The following RPH3A variants were observed in gnomAD, a reference collection of about 807,000 sequenced individuals.
The protein encoded by RPH3A is rabphilin-3A.
In RPH3A, 48 loss-of-function variants were observed where a neutral mutation model predicts 102.2. The ratio of observed to expected loss-of-function variants is 0.47; its 90% CI spans 0.37 to 0.60. The LOEUF (loss-of-function observed/expected upper bound fraction) is 0.60. Ranked by LOEUF, RPH3A falls within the 20% of genes least tolerant of loss-of-function variation. The pLI is 0.00. For missense variants in RPH3A, 781 were observed against 910.1 expected (o/e 0.86, Z 1.83); for synonymous variants, 310 against 324.3 (o/e 0.96, Z 0.47).
chr12:112,888,612 T>G (rs1410756500), intron 17 of RPH3A, among the ~76,000 whole-genome samples: 1 of 152,244 alleles, frequency 6.6e-6, no homozygotes, highest in Non-Finnish European at 1.5e-5. Context: ...GATACTGTAG[T>G]ACTAACCTCA....
intron 1 of RPH3A, among the ~76,000 whole-genome samples, chr12:112,710,381 T>G (rs1218491897): frequency 6.6e-6 from 1 of 152,188 alleles, no homozygotes; most frequent in Non-Finnish European, 1.5e-5. Flanking sequence ...TTGGAATGTT[T>G]GGCTGAGATC....
At chr12:112,831,922 A>C in intron 3 of RPH3A, 1 of 399,958 alleles carries the variant, frequency 2.5e-6, no homozygotes. Context: ...GCTTTTTTCT[A>C]CTTGGTGCAT....
At chr12:112,855,603 T>G (rs1356834469) in intron 5 of RPH3A, among the ~76,000 whole-genome samples, 1 of 152,126 alleles carries the variant, frequency 6.6e-6, no homozygotes, top group African/African-American at 2.4e-5. Context: ...CAGGGAGAAT[T>G]AATGAGTCTG....
At chr12:112,877,406 A>C (rs1355317660) in intron 13 of RPH3A, among the ~76,000 whole-genome samples, 1 of 144,068 alleles carries the variant, frequency 6.9e-6, no homozygotes. Flanking sequence ...ACACGTATAC[A>C]CACACACACG....
chr12:112,861,303 C>A (rs185332462), intron 5 of RPH3A, among the ~76,000 whole-genome samples: 146 of 152,296 alleles, frequency 9.6e-4, no homozygotes, highest in African/African-American at 3.2e-3. Flanking sequence ...GTTGAGGGTT[C>A]TTTGGGGAAA....
intron 2 of RPH3A, among the ~76,000 whole-genome samples, chr12:112,821,555 C>T (rs560413548): frequency 6.6e-6 from 1 of 152,170 alleles, no homozygotes; most frequent in Admixed American, 6.5e-5. Context: ...GAAATGCTCT[C>T]CCCCAGATGG....
intron 1 of RPH3A, among the ~76,000 whole-genome samples, chr12:112,643,270 C>A (rs919253779): frequency 6.6e-6 from 1 of 152,150 alleles, no homozygotes; most frequent in South Asian, 2.1e-4. Flanking sequence ...CAGTGGGTAG[C>A]GAGGATAGAA....
chr12:112,696,915 C>CT (rs372684111), intron 1 of RPH3A, among the ~76,000 whole-genome samples: 4,806 of 147,236 alleles, frequency 0.033, 79 homozygotes, highest in South Asian at 0.037. Context: ...TTTTTTCTTT[C>CT]TTTTTTTTTT....
chr12:112,738,712 G>A (rs2040686590), intron 1 of RPH3A, among the ~76,000 whole-genome samples: 2 of 152,154 alleles, frequency 1.3e-5, no homozygotes, highest in South Asian at 4.2e-4. Flanking sequence ...GTTTTGTGCT[G>A]AACAAATTAA....
At chr12:112,714,713 T>C (rs1404432721) in intron 1 of RPH3A, among the ~76,000 whole-genome samples, 1 of 152,266 alleles carries the variant, frequency 6.6e-6, no homozygotes, top group Non-Finnish European at 1.5e-5. Context: ...ATAGGGCACT[T>C]GGATTGATTG....
chr12:112,774,795 G>A (rs553174025), intron 1 of RPH3A, among the ~76,000 whole-genome samples: 7 of 151,962 alleles, frequency 4.6e-5, no homozygotes, highest in South Asian at 2.1e-4. Context: ...GGTAGGGGGC[G>A]GAGAGCAGTA....
At chr12:112,855,102 G>A (rs2042389497) in intron 5 of RPH3A, among the ~76,000 whole-genome samples, 1 of 152,122 alleles carries the variant, frequency 6.6e-6, no homozygotes, top group Non-Finnish European at 1.5e-5. Flanking sequence ...CCAACCATAA[G>A]CACTGACATG....
At chr12:112,712,416 A>G (rs570738576) in intron 1 of RPH3A, among the ~76,000 whole-genome samples, 2 of 152,322 alleles carry the variant, frequency 1.3e-5, no homozygotes, top group African/African-American at 4.8e-5. Flanking sequence ...GTTTCAATCT[A>G]ATAGAAACCG....
chr12:112,713,016 C>T (rs1565857204), intron 1 of RPH3A, among the ~76,000 whole-genome samples: 1,138 of 73,998 alleles, frequency 0.015, 97 homozygotes, highest in South Asian at 0.045. Flanking sequence ...TCTTCCTCTT[C>T]CTCTTCCTCT....
At chr12:112,656,637 C>T (rs1592928702) in intron 1 of RPH3A, among the ~76,000 whole-genome samples, 2 of 152,120 alleles carry the variant, frequency 1.3e-5, no homozygotes, top group South Asian at 4.1e-4. Flanking sequence ...TTGTACTCAT[C>T]GTTTAGCTCC....
chr12:112,857,417 T>A (rs2042428984), intron 5 of RPH3A, among the ~76,000 whole-genome samples: 1 of 152,136 alleles, frequency 6.6e-6, no homozygotes, highest in African/African-American at 2.4e-5. Flanking sequence ...TTATCCTGGA[T>A]TATCCAGATG....
intron 1 of RPH3A, among the ~76,000 whole-genome samples, chr12:112,729,775 G>A (rs191087986): frequency 6.4e-4 from 98 of 152,328 alleles, no homozygotes; most frequent in Non-Finnish European, 1.2e-3. Flanking sequence ...ATCCTGCATG[G>A]ACATGGACAT....
intron 1 of RPH3A, among the ~76,000 whole-genome samples, chr12:112,662,689 G>A (rs1456046917): frequency 6.6e-6 from 1 of 151,786 alleles, no homozygotes; most frequent in Non-Finnish European, 1.5e-5. Flanking sequence ...CAGTACCAAA[G>A]CATTGTGGCA....
At chr12:112,720,505 G>A (rs963261058) in intron 1 of RPH3A, among the ~76,000 whole-genome samples, 2 of 152,208 alleles carry the variant, frequency 1.3e-5, no homozygotes, top group African/African-American at 2.4e-5. Flanking sequence ...ATAACCAGGA[G>A]ACAGTAAATT....
Sources: gnomAD v4.1 joint callset for allele counts (sites outside exome capture counted in the v4.1 genomes callset) on GRCh38, gnomAD v4.1.1 for gene constraint, MANE v1.5 for transcripts, NCBI Gene and HGNC (gene_info 2026-07-23, HGNC 2026-07-21) for gene names.